PHF11: variants seen among roughly 807,000 people sequenced by gnomAD.
PHF11 encodes the protein PHD finger protein 11.
In PHF11, 38 loss-of-function variants were observed where a neutral mutation model predicts 40.5. That is an observed-to-expected ratio of 0.94 (90% CI 0.72 to 1.23). PHF11 has a LOEUF of 1.23. PHF11 is among the 50% of genes most tolerant of loss of function. The pLI is 0.00. For missense variants in PHF11, 369 were observed against 392.4 expected (o/e 0.94, Z 0.50); for synonymous variants, 127 against 138.2 (o/e 0.92, Z 0.57).
intron 5 of PHF11, chr13:49,521,232 C>A: frequency 9.4e-7 from 1 of 1,068,030 alleles, no homozygotes. Flanking sequence ...ACTTTTGGGA[C>A]TGCTTCTCTT....
At chr13:49,510,966 T>C (rs1360104727) in intron 2 of PHF11, among the ~76,000 whole-genome samples, 1 of 152,160 alleles carries the variant, frequency 6.6e-6, no homozygotes, top group Non-Finnish European at 1.5e-5. Flanking sequence ...CCCCAAAGGG[T>C]TTCCTCAATG....
At chr13:49,521,467 A>G in intron 5 of PHF11, 5 of 986,292 alleles carry the variant, frequency 5.1e-6, no homozygotes, top group Non-Finnish European at 4.8e-6. Context: ...TCGTTGGAAG[A>G]CTTCGTTCTG....
At chr13:49,496,267 C>A in intron 1 of PHF11, 172 bp downstream of exon 1, 1 of 654,824 alleles carries the variant, frequency 1.5e-6, no homozygotes, top group Non-Finnish European at 2.1e-6. Context: ...CACTCGCGTG[C>A]CTGTTGGTGG....
chr13:49,520,087 G>A (rs551789056), intron 4 of PHF11, among the ~76,000 whole-genome samples: 70 of 152,274 alleles, frequency 4.6e-4, no homozygotes, highest in African/African-American at 1.6e-3. Context: ...TTGCTCTGTG[G>A]CCCAGGCTGG....
chr13:49,522,761 T>TTG (rs1566196748), intron 6 of PHF11, among the ~76,000 whole-genome samples: 17 of 31,478 alleles, frequency 5.4e-4, no homozygotes, highest in African/African-American at 1.3e-3. Context: ...AATATGGGGT[T>TTG]TTTTTGTTTT....
Position 49,504,630 on chromosome 13 carries a change from G to C in PHF11, c.95-2005G>C, listed in dbSNP as rs531434341. ...CCCGCCCGGCCAGCCGCCCCGTCCG[G>C]GAGGTGAGAGGCGCCTCTGCCCGGC... On this transcript the variant is annotated intron_variant, in intron 1 of 9. Transcript: ENST00000378319. Among the ~76,000 whole-genome samples the C allele has an allele frequency of 2.0e-5, 3 of 148,600 alleles. No individual in the cohort carries two copies. In the South Asian group the frequency reaches 6.4e-4, roughly 32 times the overall value.
chr13:49,527,066 A>C (rs1309711143), intron 9 of PHF11: 1 of 112,522 alleles, frequency 8.9e-6, no homozygotes, highest in African/African-American at 2.9e-5. Flanking sequence ...AAAAAAAAAA[A>C]CAAAAACAAA....
intron 4 of PHF11, among the ~76,000 whole-genome samples, chr13:49,519,403 A>G (rs187513345): frequency 1.3e-3 from 200 of 152,214 alleles, no homozygotes; most frequent in South Asian, 6.0e-3. Context: ...GAAAAAATAT[A>G]CTGATCACAC....
At chr13:49,497,730 C>G (rs1472769601) in intron 1 of PHF11, among the ~76,000 whole-genome samples, 2 of 152,218 alleles carry the variant, frequency 1.3e-5, no homozygotes, top group African/African-American at 4.8e-5. Flanking sequence ...ATCTATGAGC[C>G]TGGCCTGCAG....
intron 4 of PHF11, chr13:49,518,853 T>TTTTTTA (rs1959173669): frequency 7.6e-6 from 1 of 132,278 alleles, no homozygotes; most frequent in African/African-American, 2.7e-5. Flanking sequence ...TTTTTTTTTT[T>TTTTTTA]GAGACAGAGT....
intron 2 of PHF11, 122 bp downstream of exon 2, chr13:49,506,878 G>A (rs577052604): frequency 7.6e-5 from 35 of 462,764 alleles, no homozygotes; most frequent in East Asian, 6.2e-4. Context: ...GAGCTTTTAG[G>A]TGAAGATTGG....
In PHF11 at chr13:49,518,159, A is replaced by G; in HGVS notation, c.458+8A>G. ...AGTTCGAGGAATTTATAAGTATTTA[A>G]TAAAACATTTTTAAAACCACATTTG... On this transcript the variant is annotated splice_region_variant and intron_variant, in intron 4 of 9. Transcript: ENST00000378319. The G allele has an allele frequency of 6.3e-7, 1 of 1,574,960 alleles. No individual in the cohort carries two copies. Among genetic ancestry groups the G allele is most frequent in the South Asian group, 1.2e-5 (1 of 83,750 alleles).
At chr13:49,521,765 G>A (rs576844952) in intron 5 of PHF11, among the ~76,000 whole-genome samples, 12 of 152,152 alleles carry the variant, frequency 7.9e-5, no homozygotes, top group Middle Eastern at 3.4e-3. Flanking sequence ...GTTTTCCTAT[G>A]ACCCAATTTG....
At chr13:49,500,277 C>A (rs1038883188) in intron 1 of PHF11, among the ~76,000 whole-genome samples, 1 of 152,174 alleles carries the variant, frequency 6.6e-6, no homozygotes, top group African/African-American at 2.4e-5. Context: ...TATTCTTGGT[C>A]CCAGCTACTG....
intron 5 of PHF11, 32 bp downstream of exon 5, chr13:49,520,972 TAAAG>T: frequency 6.5e-7 from 1 of 1,534,194 alleles, no homozygotes; most frequent in Non-Finnish European, 8.9e-7. Context: ...CTGTGGGTTT[TAAAG>T]AAAGGTAAAC....
At chr13:49,510,110 G>A (rs1959063280) in intron 2 of PHF11, among the ~76,000 whole-genome samples, 1 of 151,942 alleles carries the variant, frequency 6.6e-6, no homozygotes, top group African/African-American at 2.4e-5. Context: ...CTGCAACTTT[G>A]ACCTCCTGGG....
chr13:49,513,311 A>G (rs1959102709), intron 3 of PHF11, 145 bp downstream of exon 3: 2 of 503,562 alleles, frequency 4.0e-6, no homozygotes, highest in South Asian at 3.1e-5. Flanking sequence ...GGAAACCTCA[A>G]TTCAACTTAA....
At chr13:49,498,825 T>C (rs1958860526) in intron 1 of PHF11, among the ~76,000 whole-genome samples, 1 of 152,192 alleles carries the variant, frequency 6.6e-6, no homozygotes, top group African/African-American at 2.4e-5. Context: ...TAAACACACA[T>C]GGGCACACAC....
Position 49,526,471 on chromosome 13 carries a change from T to C in PHF11, c.841+13T>C, listed in dbSNP as rs1237914635. 2.1e-6 allele frequency: 3 copies of C among 1,426,654 alleles called. No individual in the cohort carries two copies. The highest frequency in any genetic ancestry group is 2.0e-6 in the Non-Finnish European group (2 of 1,010,248). 88.4% of individuals were successfully genotyped at this position (1,426,654 alleles called of 1,614,324 possible). ...AATTTTCAAGCAGGTATATGAGTTA[T>C]ATAACATCTGAGCAGCATAGTTTTG... On this transcript the variant is annotated intron_variant, in intron 9 of 9. Coordinates refer to ENST00000378319, the MANE Select transcript of PHF11 (RefSeq NM_001040443.3).
Sources: allele counts gnomAD v4.1 joint callset (sites outside exome capture counted in the v4.1 genomes callset), GRCh38; gene constraint gnomAD v4.1.1; transcripts MANE v1.5; gene names NCBI Gene and HGNC (gene_info 2026-07-23, HGNC 2026-07-21).